The following MCC variants were observed in gnomAD, a reference collection of about 807,000 sequenced individuals.
MCC encodes the protein MCC regulator of Wnt signaling pathway.
In MCC, 90 loss-of-function variants were observed where a neutral mutation model predicts 116.2. The ratio of observed to expected loss-of-function variants is 0.77; its 90% CI spans 0.65 to 0.92. The LOEUF (loss-of-function observed/expected upper bound fraction) is 0.92, where lower values mean the gene tolerates loss of function less well. Ranked by LOEUF, MCC falls within the 40% of genes least tolerant of loss-of-function variation. The pLI is 0.00. For synonymous variants in MCC, 578 were observed against 510.5 expected (o/e 1.13, Z -1.78); for missense variants, 1,516 against 1,312.2 (o/e 1.16, Z -2.40).
chr5:113,254,688 T>A (rs1275904967), intron 3 of MCC, among the ~76,000 whole-genome samples: 1 of 152,220 alleles, frequency 6.6e-6, no homozygotes. Context: ...GTTAATAACC[T>A]AGGATTCCAT....
chr5:113,423,745 T>G (rs889984212), intron 1 of MCC, among the ~76,000 whole-genome samples: 17 of 152,030 alleles, frequency 1.1e-4, no homozygotes, highest in African/African-American at 3.9e-4. Flanking sequence ...AGATCTCTAT[T>G]TCCCACCCCC....
intron 11 of MCC, among the ~76,000 whole-genome samples, chr5:113,076,963 T>C (rs150699180): frequency 0.34 from 51,596 of 151,918 alleles, 8,774 homozygotes; most frequent in Middle Eastern, 0.39. Flanking sequence ...TGGAGGAAGA[T>C]CTACCAAGCA....
At chr5:113,187,590 C>T (rs1761953496) in intron 3 of MCC, among the ~76,000 whole-genome samples, 1 of 152,046 alleles carries the variant, frequency 6.6e-6, no homozygotes, top group East Asian at 1.9e-4. Context: ...CCCGTCTCTA[C>T]TAAAAATACA....
intron 6 of MCC, among the ~76,000 whole-genome samples, chr5:113,116,853 G>A (rs545671021): frequency 7.9e-5 from 12 of 152,224 alleles, no homozygotes; most frequent in Non-Finnish European, 1.8e-4. Context: ...TCACCCCAGA[G>A]AGTGCTCCAG....
At chr5:113,096,063 C>T (rs1329398203) in intron 8 of MCC, among the ~76,000 whole-genome samples, 1 of 152,152 alleles carries the variant, frequency 6.6e-6, no homozygotes, top group Non-Finnish European at 1.5e-5. Flanking sequence ...GCTCAGATGA[C>T]CCTGGTGAAG....
intron 14 of MCC, among the ~76,000 whole-genome samples, chr5:113,057,065 G>A (rs999596321): frequency 4.6e-5 from 7 of 152,166 alleles, no homozygotes; most frequent in African/African-American, 1.7e-4. Context: ...CTACGTGGAT[G>A]TTTGCAGGAC....
intron 3 of MCC, among the ~76,000 whole-genome samples, chr5:113,172,799 C>G (rs1375332211): frequency 6.6e-6 from 1 of 152,214 alleles, no homozygotes; most frequent in South Asian, 2.1e-4. Flanking sequence ...TGCCTTCTAC[C>G]GAAAGCTATT....
rs746985133 is a variant in MCC at position 113,068,060 on chromosome 5, G to T, written c.2029+20C>A. ...AGGCAGGGAGACAAGAGGAGGAAGA[G>T]GGACTCTGGAGACACTTACCAGGGG... On this transcript the variant is annotated intron_variant, in intron 13 of 18. Transcript: ENST00000408903. 2 of 1,599,760 alleles carry T rather than the reference G, an allele frequency of 1.3e-6. No homozygotes were observed. The highest frequency in any genetic ancestry group is 1.7e-6 in the Non-Finnish European group (2 of 1,166,918).
chr5:113,316,363 T>C (rs1285699878), intron 3 of MCC, among the ~76,000 whole-genome samples: 5 of 152,166 alleles, frequency 3.3e-5, no homozygotes, highest in African/African-American at 1.2e-4. Context: ...TAAGACCCTT[T>C]GTACTGCTAA....
chr5:113,099,527 T>A (rs1262598105), intron 8 of MCC, among the ~76,000 whole-genome samples: 2 of 152,258 alleles, frequency 1.3e-5, no homozygotes, highest in Non-Finnish European at 2.9e-5. Flanking sequence ...AGACATCGCC[T>A]AACCACTTTA....
At chr5:113,256,451 A>C (rs1403033881) in intron 3 of MCC, among the ~76,000 whole-genome samples, 1 of 152,220 alleles carries the variant, frequency 6.6e-6, no homozygotes. Context: ...AAGCTATTAC[A>C]ACATATTATA....
intron 2 of MCC, among the ~76,000 whole-genome samples, chr5:113,374,079 G>A (rs1768913248): frequency 6.6e-6 from 1 of 152,052 alleles, no homozygotes; most frequent in Non-Finnish European, 1.5e-5. Context: ...TAATTTTAGA[G>A]ATGGGGTTTC....
chr5:113,042,953 A>G (rs1011412264), intron 17 of MCC, among the ~76,000 whole-genome samples: 1 of 152,194 alleles, frequency 6.6e-6, no homozygotes, highest in South Asian at 2.1e-4. Context: ...TTTCTGCTGG[A>G]CAATGCTGCT....
chr5:113,027,396 T>C lies in MCC; in HGVS notation c.2966A>G (p.Glu989Gly), dbSNP rs1028116706. The C allele has an allele frequency of 9.3e-6, 15 of 1,614,088 alleles. No individual in the cohort carries two copies. In the Admixed American group the frequency reaches 2.0e-4, roughly 22 times the overall value. ...CATCCTCACTTGGGTCTCATGTCTC[T>C]CCACCATGGCCATCATCTGCGACTC... is the stretch of plus-strand genomic sequence containing the variant. ...KLESQMMAMV[E>G]RHETQVRMLK... The change falls in exon 19 of 19, where the codon GAG becomes GGG. Residue 989 changes from glutamate to glycine, a missense_variant. Glu to Gly is a moderately conservative substitution (Grantham distance 98, BLOSUM62 -2). Coordinates refer to ENST00000408903, the MANE Select transcript of MCC (RefSeq NM_001085377.2).
chr5:113,164,724 G>A lies in MCC; in HGVS notation c.628-13302C>T, dbSNP rs150508555. ...AGCTGACCTGTCACATTTACCACGG[G>A]TATCCAGGGTCACACATTTTGAGAT... On this transcript the variant is annotated intron_variant, in intron 3 of 18. Coordinates refer to ENST00000408903, the MANE Select transcript of MCC (RefSeq NM_001085377.2). 2.0e-5 allele frequency among the ~76,000 whole-genome samples: 3 copies of A among 152,320 alleles called. No individual in the cohort carries two copies. The East Asian group carries it at 5.8e-4, about 29-fold the overall frequency.
Position 113,078,815 on chromosome 5 carries a change from G to C in MCC, c.1784+4045C>G, listed in dbSNP as rs368793428. On this transcript the variant is annotated intron_variant, in intron 11 of 18. Coordinates refer to ENST00000408903, the MANE Select transcript of MCC (RefSeq NM_001085377.2). Reference sequence around the variant, plus strand: ...TGTTGGAAGTTCTGGCCAGGGCAATGAGGCAGGAGAAAGAAATAAAGGGTA... The same window carrying C: ...TGTTGGAAGTTCTGGCCAGGGCAATCAGGCAGGAGAAAGAAATAAAGGGTA... 1.5e-4 allele frequency among the ~76,000 whole-genome samples: 23 copies of C among 152,264 alleles called. No individual in the cohort carries two copies. In the South Asian group the frequency reaches 3.1e-3, roughly 21 times the overall value.
At chr5:113,479,616 G>C (rs1396151584) in intron 1 of MCC, among the ~76,000 whole-genome samples, 1 of 152,062 alleles carries the variant, frequency 6.6e-6, no homozygotes, top group Non-Finnish European at 1.5e-5. Context: ...TTTATCTTGA[G>C]CTACCTCAAG....
intron 2 of MCC, among the ~76,000 whole-genome samples, chr5:113,359,993 C>T (rs1214497580): frequency 4.6e-5 from 7 of 152,118 alleles, no homozygotes; most frequent in Admixed American, 2.6e-4. Flanking sequence ...ATTCAGTAAG[C>T]CCTTGCTAGT....
chr5:113,096,114 T>C (rs7729054), intron 8 of MCC, among the ~76,000 whole-genome samples: 69,329 of 152,066 alleles, frequency 0.46, 17,383 homozygotes, highest in African/African-American at 0.68. Flanking sequence ...GCAGCTTCCC[T>C]AGCAGATGCC....
Sources: allele counts gnomAD v4.1 joint callset (sites outside exome capture counted in the v4.1 genomes callset), GRCh38; gene constraint gnomAD v4.1.1; transcripts MANE v1.5; gene names NCBI Gene and HGNC (gene_info 2026-07-23, HGNC 2026-07-21).